PRELID2: variants seen among roughly 807,000 people sequenced by gnomAD.
PRELID2 encodes PRELI domain-containing protein 2.
In PRELID2, 25 loss-of-function variants were observed where a neutral mutation model predicts 28.4. The ratio of observed to expected loss-of-function variants is 0.88; its 90% CI spans 0.64 to 1.23. The LOEUF (loss-of-function observed/expected upper bound fraction) is 1.23. Ranked by LOEUF, PRELID2 falls within the 50% of genes most tolerant of loss-of-function variation. The pLI, the probability that PRELID2 is intolerant of heterozygous loss-of-function variation, is 0.00. For synonymous variants in PRELID2, 76 were observed against 71.6 expected, an observed-to-expected ratio of 1.06 and a Z score of -0.31; for missense variants, 201 against 214.4, an observed-to-expected ratio of 0.94 and a Z score of 0.39.
intron 5 of PRELID2, chr5:145,794,925 G>T (rs184536109): frequency 1.2e-4 from 19 of 152,130 alleles, no homozygotes; most frequent in African/African-American, 4.3e-4. Context: ...CCCACCACCT[G>T]TATTTATATG....
chr5:145,462,664 C>A, the PRELID2 span, among the ~76,000 whole-genome samples: 1 of 152,226 alleles, frequency 6.6e-6, no homozygotes, highest in South Asian at 2.1e-4. Flanking sequence ...GGGCCACTGG[C>A]AGGAGATCAG....
the PRELID2 span, chr5:145,229,956 G>T: frequency 2.7e-6 from 2 of 747,012 alleles, no homozygotes; most frequent in South Asian, 2.7e-5. Context: ...GAACGTGCAG[G>T]GTGATTATGA....
At chr5:145,573,209 G>A (rs1046797107) in intron 1 of PRELID2, among the ~76,000 whole-genome samples, 8 of 151,852 alleles carry the variant, frequency 5.3e-5, no homozygotes, top group Non-Finnish European at 7.4e-5. Context: ...CTCCACCACC[G>A]TCTTCTACAT....
chr5:145,298,752 A>G, the PRELID2 span, among the ~76,000 whole-genome samples: 4 of 152,104 alleles, frequency 2.6e-5, no homozygotes, highest in African/African-American at 4.8e-5. Context: ...AAATTAACCA[A>G]TCTGTGGCAT....
intron 1 of PRELID2, among the ~76,000 whole-genome samples, chr5:145,588,879 T>TAA (rs10707481): frequency 1.6e-4 from 23 of 141,184 alleles, no homozygotes; most frequent in Admixed American, 2.8e-4. Context: ...TTTTTATTGG[T>TAA]AAAAAAAAAA....
intron 1 of PRELID2, among the ~76,000 whole-genome samples, chr5:145,601,404 C>T (rs747930393): frequency 4.6e-5 from 7 of 151,638 alleles, no homozygotes; most frequent in Non-Finnish European, 8.8e-5. Context: ...TTAGAAATAT[C>T]AAAATAAGTC....
chr5:145,546,589 G>A (rs1055405434), intron 1 of PRELID2, among the ~76,000 whole-genome samples: 5 of 152,196 alleles, frequency 3.3e-5, no homozygotes, highest in African/African-American at 1.2e-4. Flanking sequence ...GAGACTGTCT[G>A]GCCAGAGGGA....
chr5:145,779,413 T>G (rs1230701047), intron 5 of PRELID2, among the ~76,000 whole-genome samples: 1 of 152,118 alleles, frequency 6.6e-6, no homozygotes, highest in Non-Finnish European at 1.5e-5. Context: ...AAAGTGGAAA[T>G]AACCTGAATG....
chr5:145,394,131 T>C, the PRELID2 span, among the ~76,000 whole-genome samples: 1 of 152,086 alleles, frequency 6.6e-6, no homozygotes, highest in African/African-American at 2.4e-5. Flanking sequence ...CACATGTACA[T>C]GTATGTTTAT....
chr5:145,392,055 G>A, the PRELID2 span, among the ~76,000 whole-genome samples: 112 of 151,936 alleles, frequency 7.4e-4, 1 homozygote, highest in African/African-American at 2.4e-3. Context: ...AAACTGTTCC[G>A]ACCTCTGTCT....
chr5:145,803,696 C>T (rs1219591125), intron 4 of PRELID2, among the ~76,000 whole-genome samples: 1 of 147,220 alleles, frequency 6.8e-6, no homozygotes, highest in African/African-American at 2.5e-5. Context: ...AATAATTATG[C>T]TGTTCTACTA....
chr5:145,509,215 G>C (rs1054385944), intron 1 of PRELID2, among the ~76,000 whole-genome samples: 1 of 152,168 alleles, frequency 6.6e-6, no homozygotes, highest in Non-Finnish European at 1.5e-5. Context: ...TATGTACTGT[G>C]AGTCAGCCAT....
At chr5:145,318,563 C>T in the PRELID2 span, among the ~76,000 whole-genome samples, 1 of 152,242 alleles carries the variant, frequency 6.6e-6, no homozygotes, top group Non-Finnish European at 1.5e-5. Context: ...CCTGGCCCCC[C>T]TCACAAGATG....
At chr5:145,464,967 GC>G in the PRELID2 span, among the ~76,000 whole-genome samples, 1 of 151,992 alleles carries the variant, frequency 6.6e-6, no homozygotes, top group Non-Finnish European at 1.5e-5. Context: ...GTAAAATTCT[GC>G]CCAAAATCCT....
At chr5:145,252,862 C>T in the PRELID2 span, among the ~76,000 whole-genome samples, 3 of 152,056 alleles carry the variant, frequency 2.0e-5, no homozygotes, top group Admixed American at 6.6e-5. Flanking sequence ...ATGTATATTT[C>T]ACCCAGTAAA....
intron 1 of PRELID2, among the ~76,000 whole-genome samples, chr5:145,695,622 T>C (rs530477426): frequency 6.6e-6 from 1 of 152,258 alleles, no homozygotes; most frequent in East Asian, 1.9e-4. Flanking sequence ...GCAGGTAGGC[T>C]GCAATGATCT....
At chr5:145,511,878 G>A (rs574962309) in intron 1 of PRELID2, among the ~76,000 whole-genome samples, 1 of 152,284 alleles carries the variant, frequency 6.6e-6, no homozygotes, top group Admixed American at 6.5e-5. Flanking sequence ...CATAGTGGAA[G>A]CTGACGAGAG....
At chr5:145,301,949 T>TTTG in the PRELID2 span, among the ~76,000 whole-genome samples, 5 of 136,856 alleles carry the variant, frequency 3.7e-5, no homozygotes, top group African/African-American at 1.4e-4. Context: ...TTTTTTTTTT[T>TTTG]GCTAACTCTG....
intron 1 of PRELID2, among the ~76,000 whole-genome samples, chr5:145,578,607 T>G (rs1281077173): frequency 6.6e-6 from 1 of 152,130 alleles, no homozygotes; most frequent in African/African-American, 2.4e-5. Flanking sequence ...GAGAATGTCC[T>G]GCTGTTAAAT....
Sources: allele counts gnomAD v4.1 joint callset (sites outside exome capture counted in the v4.1 genomes callset), GRCh38; gene constraint gnomAD v4.1.1; transcripts MANE v1.5; gene names NCBI Gene and HGNC (gene_info 2026-07-23, HGNC 2026-07-21).